Variants in TRIM37 observed in about 807,000 individuals in gnomAD.
TRIM37 encodes the protein tripartite motif containing 37.
A neutral mutation model predicts 129.8 loss-of-function variants in TRIM37; 80 were observed. The observed-to-expected ratio is 0.62, with a 90% confidence interval of 0.51 to 0.74. The LOEUF (loss-of-function observed/expected upper bound fraction) is 0.74. Among genes scored for constraint, TRIM37 ranks in the 30% least tolerant of loss-of-function variants. TRIM37 has a pLI of 0.00. For missense variants in TRIM37, 1,054 were observed against 1,176.5 expected, an observed-to-expected ratio of 0.90 and a Z score of 1.52; for synonymous variants, 389 against 387.1, an observed-to-expected ratio of 1.00 and a Z score of -0.06.
Position 59,017,322 on chromosome 17 carries a change from T to C in TRIM37, c.2360A>G (p.Lys787Arg), listed in dbSNP as rs759559853. The C allele has an allele frequency of 3.1e-6, 5 of 1,614,016 alleles. No individual in the cohort carries two copies. The Admixed American group carries it at 6.7e-5, about 22-fold the overall frequency. The change falls in exon 20 of 24, where the codon AAG (lysine) becomes AGG (arginine). Residue 787 changes from lysine (K) to arginine (R), a missense_variant. This residue lies in a region of TRIM37 where 287 missense variants were observed against 274.3 expected (regional missense o/e 1.05). Coordinates refer to ENST00000262294, the MANE Select transcript of TRIM37 (RefSeq NM_015294.6). Reference protein sequence around the residue: ...AVDPGENSRSKGDCQTLSEGS... With the variant: ...AVDPGENSRSRGDCQTLSEGS... ...TTCAGACAGAGTCTGACAGTCTCCC[T>C]TTGAACGACTATTTTCTCCAGGGTC...
intron 8 of TRIM37, among the ~76,000 whole-genome samples, chr17:59,072,731 A>C (rs1390982301): frequency 6.7e-6 from 1 of 148,954 alleles, no homozygotes; most frequent in African/African-American, 2.5e-5. Context: ...GTGGGCGACA[A>C]GGCAAGACTC....
At chr17:59,037,388 C>A (rs995806882) in intron 17 of TRIM37, among the ~76,000 whole-genome samples, 1 of 151,476 alleles carries the variant, frequency 6.6e-6, no homozygotes, top group African/African-American at 2.4e-5. Flanking sequence ...GAAACCCCAT[C>A]TCTACTAAAA....
chr17:59,040,348 AG>A (rs2039010155), intron 17 of TRIM37, among the ~76,000 whole-genome samples: 1 of 152,174 alleles, frequency 6.6e-6, no homozygotes, highest in Non-Finnish European at 1.5e-5. Flanking sequence ...GAAATGGCAA[AG>A]GAGTGGGAGT....
intron 12 of TRIM37, among the ~76,000 whole-genome samples, chr17:59,059,063 AG>A (rs771196179): frequency 1.3e-5 from 2 of 152,174 alleles, no homozygotes; most frequent in African/African-American, 2.4e-5. Context: ...ATAAAGGTTT[AG>A]TATCCAAAAT....
chr17:59,025,416 T>C (rs1284967419), intron 19 of TRIM37, among the ~76,000 whole-genome samples: 1 of 151,298 alleles, frequency 6.6e-6, no homozygotes, highest in African/African-American at 2.4e-5. Context: ...ATTCATGTCA[T>C]GAATGTTAAT....
At chr17:59,050,951 G>C (rs189798631) in intron 14 of TRIM37, among the ~76,000 whole-genome samples, 49 of 152,238 alleles carry the variant, frequency 3.2e-4, no homozygotes, top group Non-Finnish European at 6.9e-4. Context: ...CTGCACTCCA[G>C]CCTGGGCAAC....
intron 22 of TRIM37, among the ~76,000 whole-genome samples, chr17:59,006,910 A>AATAC (rs2144715952): frequency 6.6e-6 from 1 of 151,880 alleles, no homozygotes; most frequent in Non-Finnish European, 1.5e-5. Context: ...TAAATAAATA[A>AATAC]ATAAATAACT....
intron 9 of TRIM37, 44 bp downstream of exon 9, chr17:59,070,779 C>T (rs751135602): frequency 3.1e-6 from 5 of 1,597,142 alleles, no homozygotes; most frequent in Non-Finnish European, 3.4e-6. Context: ...TATGCATTTC[C>T]ACATAAATTT....
At chr17:59,009,549 G>A (rs1046206117) in intron 22 of TRIM37, among the ~76,000 whole-genome samples, 4 of 151,072 alleles carry the variant, frequency 2.6e-5, no homozygotes, top group Non-Finnish European at 4.4e-5. Context: ...GGGTTCAAGC[G>A]ATTCTCCTGC....
intron 22 of TRIM37, among the ~76,000 whole-genome samples, chr17:59,003,645 TA>T (rs71145512): frequency 1.1e-3 from 137 of 122,638 alleles, no homozygotes; most frequent in Middle Eastern, 4.1e-3. Flanking sequence ...AGAGTCTTAT[TA>T]AAAAAAAAAA....
At position 59,056,598 on chromosome 17, in the gene TRIM37, C is replaced by T. The variant is rs111935778; in HGVS notation, c.1199+277G>A. Among the ~76,000 whole-genome samples, 1,490 of 150,526 alleles carry T rather than the reference C, an allele frequency of 9.9e-3. 33 individuals are homozygous for T. Among genetic ancestry groups the T allele is most frequent in the African/African-American group, 0.033 (1,375 of 41,130 alleles). On this transcript the variant is annotated intron_variant, in intron 13 of 23. Coordinates refer to ENST00000262294, the MANE Select transcript of TRIM37 (RefSeq NM_015294.6). The stretch of plus-strand genomic sequence containing the variant: ...GTAAAAAATTAGCCAGGCGTGGTGG[C>T]GGGCGCCTGTAGTCCCAGCTACTCG...
At chr17:59,045,388 C>T (rs1445618263) in intron 16 of TRIM37, among the ~76,000 whole-genome samples, 1 of 151,624 alleles carries the variant, frequency 6.6e-6, no homozygotes, top group Non-Finnish European at 1.5e-5. Flanking sequence ...ACCTGTAATT[C>T]CAGCACTTTG....
At chr17:59,058,915 T>A (rs565302490) in intron 12 of TRIM37, among the ~76,000 whole-genome samples, 93 of 152,284 alleles carry the variant, frequency 6.1e-4, no homozygotes, top group African/African-American at 2.2e-3. Context: ...AATTTATATA[T>A]CCAATCTTGT....
chr17:59,052,155 A>G (rs184267000), intron 13 of TRIM37, among the ~76,000 whole-genome samples: 19 of 152,104 alleles, frequency 1.2e-4, no homozygotes, highest in Admixed American at 2.6e-4. Context: ...CTGCACCTAC[A>G]TAAAATCGTA....
At chr17:58,974,432 A>T in the TRIM37 span, among the ~76,000 whole-genome samples, 2 of 152,194 alleles carry the variant, frequency 1.3e-5, no homozygotes, top group Non-Finnish European at 2.9e-5. Context: ...GGGAAAGTCA[A>T]TGAAACTCGG....
chr17:59,028,444 G>T lies in TRIM37; in HGVS notation c.2228C>A (p.Ser743Ter). The stretch of plus-strand genomic sequence containing the variant: ...TCGTATGTAACAATTGGCAACTGAT[G>T]ACTTTGCCAGGAGTTCCATTCCCAA... ...QDLGMELLAK[S>*]SVANCYIRNS... is the part of the protein sequence containing the mutation. The change falls in exon 19 of 24, where the codon TCA (serine) becomes TAA (stop). Residue 743 changes from serine (S) to a stop codon, truncating the protein, a stop_gained. Transcript: ENST00000262294. LOFTEE classifies it high-confidence loss of function. The T allele has an allele frequency of 6.2e-7, 1 of 1,613,590 alleles. No homozygotes were observed. Among genetic ancestry groups the T allele is most frequent in the South Asian group, 1.1e-5 (1 of 91,044 alleles).
chr17:58,972,170 C>T, the TRIM37 span: 5 of 1,613,938 alleles, frequency 3.1e-6, no homozygotes, highest in Admixed American at 6.7e-5. Context: ...TGACTTTCAT[C>T]AGAGGCAACA....
rs201513200 is a variant in TRIM37 at position 59,047,817 on chromosome 17, G to A, written c.1533C>T (p.His511=). 3.5e-5 allele frequency: 57 copies of A among 1,613,852 alleles called. No individual in the cohort carries two copies. The highest frequency in any genetic ancestry group is 8.3e-5 in the Admixed American group (5 of 60,030). ...EEKIQNEDYH[H]ELSDGDLDLD... ...GATCCAGATCTCCATCTGAAAGCTC[G>A]TGCTAGATCAATGCCAAGAAAACAA... Residue 511 remains histidine (H), a splice_region_variant and synonymous_variant, in exon 16 of 24, where the codon CAC becomes CAT. Coordinates refer to ENST00000262294, the MANE Select transcript of TRIM37 (RefSeq NM_015294.6).
chr17:59,023,671 AAAAC>A (rs1396034066), intron 19 of TRIM37, among the ~76,000 whole-genome samples: 1 of 152,018 alleles, frequency 6.6e-6, no homozygotes, highest in Non-Finnish European at 1.5e-5. Context: ...AAGAAACACA[AAAAC>A]AAAAAAGTAC....
Sources: gnomAD v4.1 joint callset for allele counts (sites outside exome capture counted in the v4.1 genomes callset) on GRCh38, gnomAD v4.1.1 for gene constraint, gnomAD v4.1.1 regional missense constraint, MANE v1.5 for transcripts, NCBI Gene and HGNC (gene_info 2026-07-23, HGNC 2026-07-21) for gene names.